Variants in CNTNAP2 observed in about 807,000 individuals in gnomAD.
The protein encoded by CNTNAP2 is contactin-associated protein-like 2.
A neutral mutation model predicts 155.2 loss-of-function variants in CNTNAP2; 98 were observed. The observed-to-expected ratio is 0.63, with a 90% CI of 0.54 to 0.75. The LOEUF (loss-of-function observed/expected upper bound fraction) is 0.75, where lower values mean the gene tolerates loss of function less well. Among genes scored for constraint, CNTNAP2 ranks in the 30% least tolerant of loss-of-function variants. The pLI is 0.00. For missense variants in CNTNAP2, 1,727 were observed against 1,688.1 expected (o/e 1.02, Z -0.40); for synonymous variants, 651 against 631.2 (o/e 1.03, Z -0.47).
chr7:146,248,497 C>CGGA lies in CNTNAP2; in HGVS notation c.97+131526_97+131528dup, dbSNP rs532626534. On this transcript the variant is annotated intron_variant, in intron 1 of 23. Coordinates refer to ENST00000361727, the MANE Select transcript of CNTNAP2 (RefSeq NM_014141.6). ...GCCTTCCCTAGTCCATGACCAGCGC[C>CGGA]GGAGTTTTGGGTCCAGGGATAAAAC... Among the ~76,000 whole-genome samples the CGGA allele has an allele frequency of 6.6e-5, 10 of 152,190 alleles. No individual in the cohort carries two copies. The South Asian group carries it at 2.1e-3, about 32-fold the overall frequency.
At chr7:148,174,489 A>G (rs928952389) in intron 18 of CNTNAP2, among the ~76,000 whole-genome samples, 7 of 152,258 alleles carry the variant, frequency 4.6e-5, no homozygotes, top group African/African-American at 1.7e-4. Context: ...CATTGGCCGA[A>G]GAATGAGCTC....
chr7:147,365,869 G>T (rs910584251), intron 9 of CNTNAP2, among the ~76,000 whole-genome samples: 9 of 152,082 alleles, frequency 5.9e-5, no homozygotes, highest in African/African-American at 1.9e-4. Context: ...TGTTTGTCTG[G>T]AAATACATTA....
chr7:146,645,434 C>T (rs373244183), intron 1 of CNTNAP2, among the ~76,000 whole-genome samples: 1 of 152,102 alleles, frequency 6.6e-6, no homozygotes, highest in East Asian at 1.9e-4. Context: ...CTGCATACCC[C>T]CTGGCCACAG....
chr7:147,125,512 A>G (rs1356852646), intron 6 of CNTNAP2, among the ~76,000 whole-genome samples: 1 of 152,176 alleles, frequency 6.6e-6, no homozygotes, highest in Non-Finnish European at 1.5e-5. Flanking sequence ...CAAAGGGGAG[A>G]GCAGCAAAAT....
chr7:146,696,108 A>T (rs1563192418), intron 1 of CNTNAP2, among the ~76,000 whole-genome samples: 1 of 152,310 alleles, frequency 6.6e-6, no homozygotes, highest in East Asian at 1.9e-4. Context: ...TTTGAAAAAA[A>T]TTGACTTAAA....
intron 1 of CNTNAP2, among the ~76,000 whole-genome samples, chr7:146,704,961 T>C (rs1307013504): frequency 6.6e-6 from 1 of 152,118 alleles, no homozygotes; most frequent in African/African-American, 2.4e-5. Context: ...AGCTAGATGG[T>C]CAGATCCCTG....
At chr7:146,933,056 A>G (rs80174157) in intron 3 of CNTNAP2, among the ~76,000 whole-genome samples, 41,532 of 152,002 alleles carry the variant, frequency 0.27, 6,952 homozygotes, top group Non-Finnish European at 0.37. Flanking sequence ...CAAGCTATCA[A>G]TGACTTTCTT....
chr7:146,800,369 G>A (rs1802852787), intron 2 of CNTNAP2, among the ~76,000 whole-genome samples: 2 of 152,184 alleles, frequency 1.3e-5, no homozygotes, highest in Non-Finnish European at 2.9e-5. Flanking sequence ...TGCCCGGGGT[G>A]GCCTGGGAAG....
chr7:146,887,065 C>T (rs1795680115), intron 3 of CNTNAP2, among the ~76,000 whole-genome samples: 1 of 151,876 alleles, frequency 6.6e-6, no homozygotes, highest in African/African-American at 2.4e-5. Context: ...TCCTTATTTA[C>T]TCTTCTATCC....
intron 2 of CNTNAP2, among the ~76,000 whole-genome samples, chr7:146,789,231 GT>G: frequency 6.6e-6 from 1 of 152,188 alleles, no homozygotes; most frequent in East Asian, 1.9e-4. Context: ...TCACTATTCT[GT>G]CCTCCACTTG....
At chr7:146,703,422 A>G (rs992479649) in intron 1 of CNTNAP2, among the ~76,000 whole-genome samples, 4 of 152,182 alleles carry the variant, frequency 2.6e-5, no homozygotes, top group Non-Finnish European at 4.4e-5. Flanking sequence ...ATGTTGAACA[A>G]AATCAAACAT....
chr7:148,402,904 T>C (rs1453319001), intron 22 of CNTNAP2, among the ~76,000 whole-genome samples: 2 of 151,740 alleles, frequency 1.3e-5, no homozygotes, highest in Non-Finnish European at 2.9e-5. Flanking sequence ...GGTTTTATGT[T>C]AGATATTTCA....
intron 1 of CNTNAP2, among the ~76,000 whole-genome samples, chr7:146,410,115 C>T (rs1011579439): frequency 3.3e-5 from 5 of 152,156 alleles, no homozygotes; most frequent in Non-Finnish European, 7.3e-5. Context: ...TGGACTTTCC[C>T]GTATTTATTT....
At chr7:146,602,834 T>C (rs1202280497) in intron 1 of CNTNAP2, among the ~76,000 whole-genome samples, 1 of 152,144 alleles carries the variant, frequency 6.6e-6, no homozygotes, top group East Asian at 1.9e-4. Flanking sequence ...ACACCAAAGA[T>C]TGTATAGGAT....
At chr7:147,767,554 TATTA>T (rs1357069189) in intron 13 of CNTNAP2, among the ~76,000 whole-genome samples, 4 of 152,240 alleles carry the variant, frequency 2.6e-5, no homozygotes, top group East Asian at 3.9e-4. Flanking sequence ...TACTGCTTAT[TATTA>T]CTGCCACTAA....
intron 1 of CNTNAP2, among the ~76,000 whole-genome samples, chr7:146,319,513 G>A (rs925737663): frequency 2.6e-5 from 4 of 152,106 alleles, no homozygotes; most frequent in African/African-American, 7.2e-5. Context: ...TAATGCTGAA[G>A]ACAAAATATA....
chr7:148,131,388 C>T (rs149838249), intron 16 of CNTNAP2, among the ~76,000 whole-genome samples: 150 of 152,220 alleles, frequency 9.9e-4, no homozygotes, highest in African/African-American at 3.3e-3. Flanking sequence ...TAAGCCACCA[C>T]GCCCTGCCAA....
intron 1 of CNTNAP2, among the ~76,000 whole-genome samples, chr7:146,194,612 TC>T (rs1798751204): frequency 6.6e-6 from 1 of 152,198 alleles, no homozygotes; most frequent in Non-Finnish European, 1.5e-5. Context: ...ACCAACTGTA[TC>T]TAAATTCTAA....
At chr7:147,457,968 G>A (rs4726860) in intron 10 of CNTNAP2, among the ~76,000 whole-genome samples, 116,284 of 151,974 alleles carry the variant, frequency 0.77, 44,674 homozygotes, top group African/African-American at 0.84. Flanking sequence ...TTTGTATTAG[G>A]GTATTTCTCC....
Sources: allele counts gnomAD v4.1 joint callset (sites outside exome capture counted in the v4.1 genomes callset), GRCh38; gene constraint gnomAD v4.1.1; transcripts MANE v1.5; gene names NCBI Gene and HGNC (gene_info 2026-07-23, HGNC 2026-07-21).